Variants in RAB11FIP2 observed in about 807,000 individuals in gnomAD.
RAB11FIP2 encodes the protein RAB11 family interacting protein 2, also known as rab11 family-interacting protein 2.
A neutral mutation model predicts 40.9 loss-of-function variants in RAB11FIP2; 16 were observed. The ratio of observed to expected loss-of-function variants is 0.39; its 90% CI spans 0.26 to 0.59. The LOEUF (loss-of-function observed/expected upper bound fraction) is 0.59, where lower values mean the gene tolerates loss of function less well. Among genes scored for constraint, RAB11FIP2 ranks in the 20% least tolerant of loss-of-function variants. The pLI is 0.53. For synonymous variants in RAB11FIP2, 228 were observed against 213.7 expected, an observed-to-expected ratio of 1.07 and a Z score of -0.58; for missense variants, 532 against 606.2, an observed-to-expected ratio of 0.88 and a Z score of 1.28.
chr10:118,030,317 A>T (rs372942837), intron 3 of RAB11FIP2, among the ~76,000 whole-genome samples: 1 of 152,152 alleles, frequency 6.6e-6, no homozygotes, highest in South Asian at 2.1e-4. Flanking sequence ...CTACTTTCCT[A>T]TCAGAAACCT....
chr10:118,046,164 C>T lies in RAB11FIP2; in HGVS notation c.-1G>A. ...TTTGGGCTTGCTCGGACAGCATCAT[C>T]CTGTCCTGTTTCTCTGCCCCCGAGT... On this transcript the variant is annotated 5_prime_UTR_variant, in exon 1 of 5. Coordinates refer to ENST00000355624, the MANE Select transcript of RAB11FIP2 (RefSeq NM_014904.3). The T allele has an allele frequency of 6.2e-7, 1 of 1,611,548 alleles. No individual in the cohort carries two copies. The highest frequency in any genetic ancestry group is 8.5e-7 in the Non-Finnish European group (1 of 1,178,322).
At chr10:118,010,385 C>T (rs914517019) in intron 4 of RAB11FIP2, among the ~76,000 whole-genome samples, 3 of 152,088 alleles carry the variant, frequency 2.0e-5, no homozygotes, top group Non-Finnish European at 4.4e-5. Flanking sequence ...CTAATCTATT[C>T]AGTGGAGGAT....
chr10:118,035,981 C>T (rs1846476482), intron 3 of RAB11FIP2, among the ~76,000 whole-genome samples: 1 of 151,974 alleles, frequency 6.6e-6, no homozygotes, highest in Non-Finnish European at 1.5e-5. Context: ...GGACCTATTC[C>T]AAGGACAGGA....
chr10:118,009,247 C>A (rs1846129787), intron 4 of RAB11FIP2, 22 bp from the exon 5 acceptor site: 1 of 1,570,622 alleles, frequency 6.4e-7, no homozygotes, highest in East Asian at 2.2e-5. Flanking sequence ...TAAAGACTGT[C>A]ACTTTCATAG....
Position 118,046,369 on chromosome 10 carries a change from G to C in RAB11FIP2, c.-206C>G, listed in dbSNP as rs1846638118. On this transcript the variant is annotated 5_prime_UTR_variant, in exon 1 of 5. Coordinates refer to ENST00000355624, the MANE Select transcript of RAB11FIP2 (RefSeq NM_014904.3). The stretch of plus-strand genomic sequence containing the variant: ...CCGCTCCGGGGGTCCCCTTTCGTCT[G>C]GAGAAACACAGAGGCCCACCATCAC... 6.9e-6 allele frequency: 4 copies of C among 578,514 alleles called. No homozygotes were observed. Among genetic ancestry groups the C allele is most frequent in the African/African-American group, 1.9e-5 (1 of 53,462 alleles). 35.8% of individuals were successfully genotyped at this position (578,514 alleles called of 1,614,324 possible).
chr10:118,040,268 C>G lies in RAB11FIP2; in HGVS notation c.651G>C (p.Leu217Phe), dbSNP rs754334151. Residue 217 changes from leucine (L) to phenylalanine (F), a missense_variant, in exon 2 of 5, where the codon TTG becomes TTC. Physicochemically the swap from Leu to Phe is conservative, Grantham distance 22. Coordinates refer to ENST00000355624, the MANE Select transcript of RAB11FIP2 (RefSeq NM_014904.3). ...GCGCTGACGAGAGTCGCTGAGGACCCAAGAGAAAAGGCTTTTTTGGTTTGG... is the reference window on the plus strand; with the variant it reads ...GCGCTGACGAGAGTCGCTGAGGACCGAAGAGAAAAGGCTTTTTTGGTTTGG... ...MKSKPKKPFLLGPQRLSSAHS... is the reference protein window; with the variant it reads ...MKSKPKKPFLFGPQRLSSAHS... 6.2e-7 allele frequency: 1 copy of G among 1,613,812 alleles called. No homozygotes were observed. The highest frequency in any genetic ancestry group is 1.1e-5 in the South Asian group (1 of 91,070).
Position 118,030,461 on chromosome 10 carries a change from T to C in RAB11FIP2, c.1265+8511A>G, listed in dbSNP as rs115346408. Among the ~76,000 whole-genome samples, 989 of 152,244 alleles carry C rather than the reference T, an allele frequency of 6.5e-3. 14 individuals carry two copies. Among genetic ancestry groups the C allele is most frequent in the African/African-American group, 0.023 (943 of 41,556 alleles). ...GTTAATTACCTAAACTATATCTCCA[T>C]AGGTCTTGTTAATTACCCGTCTCCT... On this transcript the variant is annotated intron_variant, in intron 3 of 4. Coordinates refer to ENST00000355624, the MANE Select transcript of RAB11FIP2 (RefSeq NM_014904.3).
At chr10:118,043,934 G>C (rs1269108218) in intron 1 of RAB11FIP2, among the ~76,000 whole-genome samples, 1 of 151,956 alleles carries the variant, frequency 6.6e-6, no homozygotes, top group African/African-American at 2.4e-5. Context: ...TCAAATACAT[G>C]GTCCCCATTT....
At chr10:118,014,052 G>C (rs145666170) in intron 4 of RAB11FIP2, among the ~76,000 whole-genome samples, 2 of 151,946 alleles carry the variant, frequency 1.3e-5, no homozygotes, top group East Asian at 3.9e-4. Flanking sequence ...CAAAACTTAC[G>C]AATCGTTTAA....
chr10:118,041,013 A>C (rs776235537), intron 1 of RAB11FIP2, among the ~76,000 whole-genome samples: 2 of 152,126 alleles, frequency 1.3e-5, no homozygotes, highest in African/African-American at 2.4e-5. Context: ...GAATCTCATG[A>C]CATTTTAATA....
chr10:118,019,146 A>G (rs1419171483), intron 3 of RAB11FIP2, among the ~76,000 whole-genome samples: 1 of 152,204 alleles, frequency 6.6e-6, no homozygotes, highest in Middle Eastern at 3.2e-3. Flanking sequence ...AAGTCACATA[A>G]CAACAAGCTC....
rs998615481 is a variant in RAB11FIP2 at position 118,046,133 on chromosome 10, A to C, written c.31T>G (p.Phe11Val). 20 of 1,614,010 alleles carry C rather than the reference A, an allele frequency of 1.2e-5. No individual in the cohort carries two copies. Among genetic ancestry groups the C allele is most frequent in the Non-Finnish European group, 1.7e-5 (20 of 1,180,024 alleles). The change falls in exon 1 of 5, where the codon TTT (phenylalanine) becomes GTT (valine). Residue 11 changes from phenylalanine to valine, a missense_variant. Physicochemically the swap from Phe to Val is conservative, Grantham distance 50. Coordinates refer to ENST00000355624, the MANE Select transcript of RAB11FIP2 (RefSeq NM_014904.3). The part of the protein sequence containing the change: MMLSEQAQKW[F>V]PTHVQVTVLQ... ...ACTGTGACCTGCACGTGGGTTGGAA[A>C]CCACTTTTGGGCTTGCTCGGACAGC...
At chr10:118,016,948 A>G (rs1420349381) in intron 3 of RAB11FIP2, among the ~76,000 whole-genome samples, 1 of 152,278 alleles carries the variant, frequency 6.6e-6, no homozygotes, top group East Asian at 1.9e-4. Context: ...CATAAATAAA[A>G]TAATGAAATA....
intron 3 of RAB11FIP2, among the ~76,000 whole-genome samples, chr10:118,033,716 G>A (rs1021935860): frequency 2.0e-5 from 3 of 152,130 alleles, no homozygotes; most frequent in Non-Finnish European, 4.4e-5. Context: ...GCCTTAGAAC[G>A]TTAGAAAGAG....
intron 3 of RAB11FIP2, among the ~76,000 whole-genome samples, chr10:118,020,140 A>G (rs976345083): frequency 6.6e-6 from 1 of 152,136 alleles, no homozygotes; most frequent in Non-Finnish European, 1.5e-5. Context: ...GTAAGGTGCA[A>G]GGTAACACAG....
At chr10:118,038,385 G>A (rs372121200) in intron 3 of RAB11FIP2, among the ~76,000 whole-genome samples, 3 of 151,906 alleles carry the variant, frequency 2.0e-5, no homozygotes, top group African/African-American at 7.2e-5. Flanking sequence ...TCTCATGAGT[G>A]ATTATTTCTG....
chr10:118,004,940 T>A lies in RAB11FIP2; in HGVS notation c.*4058A>T, dbSNP rs1846077207. ...ATTAAGTTTAAACACTTTAATCAAC[T>A]ATAAGTCAATAATCATATATTATAT... is the stretch of plus-strand genomic sequence containing the variant. On this transcript the variant is annotated 3_prime_UTR_variant, in exon 5 of 5. Transcript: ENST00000355624. The A allele has an allele frequency of 6.5e-6, 1 of 152,766 alleles. No individual in the cohort carries two copies. The highest frequency in any genetic ancestry group is 2.4e-5 in the African/African-American group (1 of 41,596). The allele number at this position is 152,766 out of a possible 1,614,324, so 9.5% of individuals were successfully genotyped here. A position where few individuals can be genotyped will look rare whatever the true frequency, so the allele number is the denominator to read the frequency against.
At position 118,040,216 on chromosome 10, in the gene RAB11FIP2, G is replaced by A. The variant is rs770937719; in HGVS notation, c.703C>T (p.His235Tyr). The A allele has an allele frequency of 2.4e-5, 39 of 1,613,800 alleles. No individual in the cohort carries two copies. In the East Asian group the frequency reaches 2.5e-4, roughly 10 times the overall value. The change falls in exon 2 of 5, where the codon CAT (histidine) becomes TAT (tyrosine). Residue 235 changes from histidine (H) to tyrosine (Y), a missense_variant. Coordinates refer to ENST00000355624, the MANE Select transcript of RAB11FIP2 (RefSeq NM_014904.3). ...GCCTTCAGTTTCTCAGAAGACATAT[G>A]GGACCCAGATAAATCAGACATTGAA... ...AHSMSDLSGS[H>Y]MSSEKLKAGT... is the part of the protein sequence containing the mutation.
chr10:118,025,108 C>T (rs973290588), intron 3 of RAB11FIP2, among the ~76,000 whole-genome samples: 2 of 152,182 alleles, frequency 1.3e-5, no homozygotes, highest in African/African-American at 2.4e-5. Context: ...ACATTCTTGG[C>T]AGTCAAGAGT....
Sources: allele counts gnomAD v4.1 joint callset (sites outside exome capture counted in the v4.1 genomes callset), GRCh38; gene constraint gnomAD v4.1.1; transcripts MANE v1.5; gene names NCBI Gene and HGNC (gene_info 2026-07-23, HGNC 2026-07-21).